Variants in CFAP69 observed in about 807,000 individuals in gnomAD.
CFAP69 encodes cilia- and flagella-associated protein 69.
In CFAP69, 92 loss-of-function variants were observed where a neutral mutation model predicts 123.0. The ratio of observed to expected loss-of-function variants is 0.75; its 90% CI spans 0.63 to 0.89. CFAP69 has a LOEUF of 0.89. Among genes scored for constraint, CFAP69 ranks in the 40% least tolerant of loss-of-function variants. The pLI is 0.00. For synonymous variants in CFAP69, 380 were observed against 364.3 expected (o/e 1.04, Z -0.49); for missense variants, 1,067 against 1,096.9 (o/e 0.97, Z 0.39).
At position 90,288,368 on chromosome 7, in the gene CFAP69, A is replaced by G. The variant is rs937670191; in HGVS notation, c.1775+16A>G. 1.2e-6 allele frequency: 2 copies of G among 1,602,216 alleles called. No homozygotes were observed. Among genetic ancestry groups the G allele is most frequent in the Non-Finnish European group, 1.7e-6 (2 of 1,173,004 alleles). On this transcript the variant is annotated intron_variant, in intron 15 of 22. Coordinates refer to ENST00000389297, the MANE Select transcript of CFAP69 (RefSeq NM_001039706.3). ...ACAGCATTTGGTGAGTATTGCTATA[A>G]TCAAATTAGGTAGACTCACAGCAGT...
intron 7 of CFAP69, 31 bp from the exon 8 acceptor site, chr7:90,271,750 A>G: frequency 6.3e-7 from 1 of 1,582,160 alleles, no homozygotes; most frequent in Non-Finnish European, 8.6e-7. Flanking sequence ...AATATTGTAA[A>G]GCACAAATAA....
Position 90,288,323 on chromosome 7 carries a change from A to G in CFAP69, c.1746A>G (p.Val582=). The change falls in exon 15 of 23, where the codon GTA becomes GTG. Residue 582 remains valine, a synonymous_variant. Transcript: ENST00000389297. ...TACAGAGTGGCTTAGGCTATAATGT[A>G]CTTCTTTTTAGTACATTGGACAGCA... The part of the protein sequence containing the change: ...RKLQSGLGYN[V]LLFSTLDSIW... 2 of 1,611,528 alleles carry G rather than the reference A, an allele frequency of 1.2e-6. No individual in the cohort carries two copies. Among genetic ancestry groups the G allele is most frequent in the East Asian group, 4.5e-5 (2 of 44,746 alleles).
At position 90,245,272 on chromosome 7, in the gene CFAP69, T is replaced by C; in HGVS notation, c.-153T>C. 1 of 1,064,820 alleles carries C rather than the reference T, an allele frequency of 9.4e-7. No homozygotes were observed. Among genetic ancestry groups the C allele is most frequent in the Non-Finnish European group, 1.3e-6 (1 of 792,242 alleles). 66.0% of individuals were successfully genotyped at this position (1,064,820 alleles called of 1,614,324 possible). On this transcript the variant is annotated 5_prime_UTR_variant, in exon 1 of 23. An upstream open reading frame in the 5' UTR loses its in-frame stop. Transcript: ENST00000389297. ...CTAAGCGGACTGTATGGCGGTGGCCTAGGCCCCTGGCGGAATTTTGGGACC... is the reference window on the plus strand; with the variant it reads ...CTAAGCGGACTGTATGGCGGTGGCCCAGGCCCCTGGCGGAATTTTGGGACC...
At chr7:90,255,304 G>A (rs573628436) in intron 1 of CFAP69, 119 bp from the exon 2 acceptor site, 10 of 708,400 alleles carry the variant, frequency 1.4e-5, no homozygotes, top group East Asian at 5.3e-5. Flanking sequence ...CCTTACTATC[G>A]TAGTGTCATA....
At chr7:90,269,004 TA>T (rs1171866888) in intron 6 of CFAP69, 1 of 151,040 alleles carries the variant, frequency 6.6e-6, no homozygotes, top group African/African-American at 2.4e-5. Context: ...TAGGTGGAAA[TA>T]AGTGTCTGTG....
rs1584265552 is a variant in CFAP69 at position 90,245,602 on chromosome 7, C to G, written c.120+58C>G. On this transcript the variant is annotated intron_variant, in intron 1 of 22. Transcript: ENST00000389297. ...AGGGGGTGGGAGTGAAGTCTCGAGA[C>G]GGGGTCCAGACCTGGGGGTGGCAAG... is the stretch of plus-strand genomic sequence containing the variant. 2.1e-6 allele frequency: 3 copies of G among 1,410,932 alleles called. No homozygotes were observed. The East Asian group carries it at 8.3e-5, about 39-fold the overall frequency. The allele number at this position is 1,410,932 out of a possible 1,614,324, so 87.4% of individuals were successfully genotyped here.
chr7:90,287,504 C>G, intron 14 of CFAP69: 5 of 985,158 alleles, frequency 5.1e-6, no homozygotes, highest in Non-Finnish European at 6.0e-6. Flanking sequence ...TTTTTTAGCT[C>G]CATAGTGAAC....
At chr7:90,279,153 G>A (rs1486674165) in intron 11 of CFAP69, among the ~76,000 whole-genome samples, 1 of 151,900 alleles carries the variant, frequency 6.6e-6, no homozygotes, top group African/African-American at 2.4e-5. Flanking sequence ...ACATTTATTT[G>A]GTAGAATGTT....
At chr7:90,248,908 G>A (rs911764704) in intron 1 of CFAP69, among the ~76,000 whole-genome samples, 17 of 152,200 alleles carry the variant, frequency 1.1e-4, no homozygotes, top group East Asian at 3.9e-4. Context: ...CTACCTCATC[G>A]AATTATTGTG....
At chr7:90,301,190 T>C (rs2117353616) in intron 17 of CFAP69, 1 of 152,298 alleles carries the variant, frequency 6.6e-6, no homozygotes, top group African/African-American at 2.4e-5. Flanking sequence ...TAGGCTGGTC[T>C]TGAACTCCTG....
intron 15 of CFAP69, among the ~76,000 whole-genome samples, chr7:90,296,415 C>G (rs543056890): frequency 2.0e-5 from 3 of 152,042 alleles, no homozygotes; most frequent in Non-Finnish European, 2.9e-5. Flanking sequence ...GCAACCTCCT[C>G]CTCCTGGGTT....
intron 14 of CFAP69, among the ~76,000 whole-genome samples, chr7:90,287,045 C>A (rs1208654358): frequency 1.4e-5 from 2 of 146,950 alleles, no homozygotes; most frequent in Non-Finnish European, 3.0e-5. Flanking sequence ...CAGATCTCAC[C>A]ACTGCACTCC....
In CFAP69 at chr7:90,297,813, C is replaced by A; in HGVS notation, c.1840C>A (p.Leu614Ile). ...YFLEKEGIFLLLDLLALNQKK... is the reference protein window; with the variant it reads ...YFLEKEGIFLILDLLALNQKK... Reference sequence around the variant, plus strand: ...TCTTGAAAAGGAAGGCATTTTTCTCCTTTTGGATTTGTTAGCAGTAAGTAT... The same window carrying A: ...TCTTGAAAAGGAAGGCATTTTTCTCATTTTGGATTTGTTAGCAGTAAGTAT... Residue 614 changes from leucine (L) to isoleucine (I), a missense_variant, in exon 16 of 23, where the codon CTT becomes ATT. Physicochemically the swap from Leu to Ile is conservative, Grantham distance 5. Transcript: ENST00000389297. 6.3e-7 allele frequency: 1 copy of A among 1,575,064 alleles called. No homozygotes were observed. Among genetic ancestry groups the A allele is most frequent in the South Asian group, 1.2e-5 (1 of 84,884 alleles).
At chr7:90,274,565 A>G (rs1002332777) in intron 9 of CFAP69, among the ~76,000 whole-genome samples, 8 of 152,178 alleles carry the variant, frequency 5.3e-5, no homozygotes, top group African/African-American at 1.7e-4. Context: ...TTTGTTTAGC[A>G]TTTCAAAGAT....
At chr7:90,246,600 T>C (rs1014323089) in intron 1 of CFAP69, among the ~76,000 whole-genome samples, 11 of 152,196 alleles carry the variant, frequency 7.2e-5, no homozygotes, top group Non-Finnish European at 4.4e-5. Context: ...ATTTGCCTAA[T>C]CGATTTTGTG....
intron 17 of CFAP69, chr7:90,303,461 T>C (rs1294389185): frequency 1.6e-6 from 1 of 643,648 alleles, no homozygotes; most frequent in Non-Finnish European, 1.9e-6. Flanking sequence ...TAGATGGCTC[T>C]TATTATTTTT....
In CFAP69 at chr7:90,307,093, G is replaced by C. The variant is rs766915021; in HGVS notation, c.2458G>C (p.Ala820Pro). ...CATGCAAAATGAACAAAAAGTATAT[G>C]CAAAAGTAAGCTACATAGGTAGTGA... ...QDMQNEQKVY[A>P]KIQATHKQRE... Residue 820 changes from alanine to proline, a missense_variant, in exon 20 of 23, where the codon GCA becomes CCA. By Grantham distance (27) the Ala-to-Pro change is conservative (BLOSUM62 -1). Coordinates refer to ENST00000389297, the MANE Select transcript of CFAP69 (RefSeq NM_001039706.3). 1.2e-6 allele frequency: 2 copies of C among 1,609,300 alleles called. No individual in the cohort carries two copies. The highest frequency in any genetic ancestry group is 2.2e-5 in the East Asian group (1 of 44,752).
chr7:90,277,383 T>C, intron 11 of CFAP69, 49 bp downstream of exon 11: 1 of 1,351,754 alleles, frequency 7.4e-7, no homozygotes. Context: ...TCTTACTTTG[T>C]AGTATAACTA....
chr7:90,305,926 A>G (rs1331700399), intron 19 of CFAP69, among the ~76,000 whole-genome samples: 1 of 139,672 alleles, frequency 7.2e-6, no homozygotes, highest in African/African-American at 2.6e-5. Flanking sequence ...GTAAACCTCT[A>G]TTTTCTTTCT....
Sources: allele counts gnomAD v4.1 joint callset (sites outside exome capture counted in the v4.1 genomes callset), GRCh38; gene constraint gnomAD v4.1.1; transcripts MANE v1.5; gene names NCBI Gene and HGNC (gene_info 2026-07-23, HGNC 2026-07-21).